The following PECAM1 variants were observed in gnomAD, a reference collection of about 807,000 sequenced individuals.
PECAM1 encodes the protein platelet and endothelial cell adhesion molecule 1.
In PECAM1, 8 loss-of-function variants were observed where a neutral mutation model predicts 13.8. The ratio of observed to expected loss-of-function variants is 0.58; its 90% CI spans 0.34 to 1.05. The LOEUF (loss-of-function observed/expected upper bound fraction) is 1.05, where lower values mean the gene tolerates loss of function less well. Among genes scored for constraint, PECAM1 ranks in the 50% least tolerant of loss-of-function variants. PECAM1 has a pLI of 0.03. For missense variants in PECAM1, 304 were observed against 141.2 expected (o/e 2.15, Z -5.84); for synonymous variants, 136 against 52.6 (o/e 2.58, Z -6.86).
At chr17:64,366,706 C>T (rs1313123538) in intron 5 of PECAM1, among the ~76,000 whole-genome samples, 1,530 of 151,370 alleles carry the variant, frequency 0.01, 42 homozygotes, top group African/African-American at 0.035. Context: ...TCATCATTCT[C>T]AGTAAACTAT....
At position 64,390,488 on chromosome 17, in the gene PECAM1, C is replaced by T; in HGVS notation, c.91+1G>A. 2.1e-6 allele frequency: 1 copy of T among 473,892 alleles called. No homozygotes were observed. The highest frequency in any genetic ancestry group is 3.9e-6 in the Non-Finnish European group (1 of 258,346). The allele number at this position is 473,892 out of a possible 1,614,324, so 29.4% of individuals were successfully genotyped here. A position where few individuals can be genotyped will look rare whatever the true frequency, so the allele number is the denominator to read the frequency against. ...TGTTACAGTGGAAACATCAGACTTA[C>T]AGTTTTCTTGACCCTCAAGGCTTGA... On this transcript the variant is annotated splice_donor_variant, in intron 2 of 15. Coordinates refer to ENST00000563924, the MANE Select transcript of PECAM1 (RefSeq NM_000442.5). LOFTEE classifies it high-confidence loss of function.
chr17:64,325,216 G>A (rs2034914344), intron 15 of PECAM1, among the ~76,000 whole-genome samples: 1 of 151,680 alleles, frequency 6.6e-6, no homozygotes, highest in Admixed American at 6.6e-5. Flanking sequence ...GTGAAACCTT[G>A]TCTCTACTGA....
At chr17:64,330,604 C>T (rs1326521671) in intron 14 of PECAM1, among the ~76,000 whole-genome samples, 3 of 150,438 alleles carry the variant, frequency 2.0e-5, no homozygotes, top group Non-Finnish European at 4.4e-5. Flanking sequence ...CCACTGCACT[C>T]CAGCCTGGGC....
intron 13 of PECAM1, among the ~76,000 whole-genome samples, chr17:64,347,397 G>A (rs2035595903): frequency 2.0e-5 from 3 of 150,420 alleles, no homozygotes; most frequent in African/African-American, 2.4e-5. Context: ...CGGCTGTGGC[G>A]GTGCATGCCT....
intron 14 of PECAM1, among the ~76,000 whole-genome samples, chr17:64,341,413 G>A (rs1048859882): frequency 1.3e-5 from 2 of 152,330 alleles, no homozygotes; most frequent in Admixed American, 6.5e-5. Flanking sequence ...GCTGGGGTCA[G>A]TAAGCATTCA....
At chr17:64,389,293 C>T (rs2036666541) in intron 2 of PECAM1, among the ~76,000 whole-genome samples, 1 of 152,194 alleles carries the variant, frequency 6.6e-6, no homozygotes, top group East Asian at 1.9e-4. Flanking sequence ...GTTCTGTGGG[C>T]TCTCCCTCTA....
intron 6 of PECAM1, 32 bp from the exon 7 acceptor site, chr17:64,360,447 A>T (rs1290184152): frequency 1.1e-5 from 5 of 473,482 alleles, no homozygotes; most frequent in African/African-American, 7.9e-5. Flanking sequence ...TCCAAAAGGC[A>T]CTGAAGGTAA....
At chr17:64,353,842 C>A (rs1280880936) in intron 9 of PECAM1, among the ~76,000 whole-genome samples, 2 of 151,880 alleles carry the variant, frequency 1.3e-5, no homozygotes, top group Admixed American at 1.3e-4. Flanking sequence ...CTATTTTAGC[C>A]AGAAGTGATT....
chr17:64,333,012 G>A (rs909344007), intron 14 of PECAM1, among the ~76,000 whole-genome samples: 9 of 152,188 alleles, frequency 5.9e-5, no homozygotes, highest in Non-Finnish European at 1.0e-4. Flanking sequence ...AATTAGCTGG[G>A]CGTGGTGGTG....
In PECAM1 at chr17:64,321,155, G is replaced by A. The variant is rs2034804291; in HGVS notation, c.*2661C>T. On this transcript the variant is annotated 3_prime_UTR_variant, in exon 16 of 16. Coordinates refer to ENST00000563924, the MANE Select transcript of PECAM1 (RefSeq NM_000442.5). ...ATGGGTGGCTGACCTCTTGGGGTCA[G>A]AAGAGGGAAAAGTTTTACTGTGTGT... 1 of 152,256 alleles carries A rather than the reference G, an allele frequency of 6.6e-6. No homozygotes were observed. Among genetic ancestry groups the A allele is most frequent in the South Asian group, 2.1e-4 (1 of 4,832 alleles). The allele number at this position is 152,256 out of a possible 1,614,324, so 9.4% of individuals were successfully genotyped here.
At chr17:64,330,146 G>T (rs2035068134) in intron 14 of PECAM1, among the ~76,000 whole-genome samples, 1 of 151,856 alleles carries the variant, frequency 6.6e-6, no homozygotes, top group South Asian at 2.1e-4. Context: ...CTCCCAAGTT[G>T]CTGGGACTAC....
intron 5 of PECAM1, among the ~76,000 whole-genome samples, chr17:64,365,982 T>C (rs1278434753): frequency 6.6e-6 from 1 of 151,900 alleles, no homozygotes; most frequent in Admixed American, 6.6e-5. Context: ...TGGGCTCTAA[T>C]TAAACTAAAG....
At chr17:64,381,964 G>A (rs1240276506) in intron 2 of PECAM1, among the ~76,000 whole-genome samples, 1 of 152,170 alleles carries the variant, frequency 6.6e-6, no homozygotes, top group East Asian at 1.9e-4. Flanking sequence ...GCCGGGTGTG[G>A]TGGTGGGCGC....
chr17:64,332,745 G>A (rs1210145103), intron 14 of PECAM1, among the ~76,000 whole-genome samples: 1 of 152,290 alleles, frequency 6.6e-6, no homozygotes, highest in Non-Finnish European at 1.5e-5. Context: ...TTCCTGTCAC[G>A]GCTACTCTCG....
intron 4 of PECAM1, among the ~76,000 whole-genome samples, chr17:64,372,175 G>A (rs1157013840): frequency 6.6e-5 from 10 of 152,074 alleles, no homozygotes; most frequent in Admixed American, 1.3e-4. Context: ...TTGGGAGGCC[G>A]AGATGGGAGG....
At chr17:64,362,185 C>T (rs960046355) in intron 6 of PECAM1, among the ~76,000 whole-genome samples, 2 of 152,194 alleles carry the variant, frequency 1.3e-5, no homozygotes, top group African/African-American at 2.4e-5. Flanking sequence ...AGATGCAGAA[C>T]CTGGCCCCAT....
intron 5 of PECAM1, among the ~76,000 whole-genome samples, 200 bp downstream of exon 5, chr17:64,369,550 G>GT: frequency 6.6e-6 from 1 of 152,154 alleles, no homozygotes; most frequent in Non-Finnish European, 1.5e-5. Flanking sequence ...GCCGGAGCCT[G>GT]TACCCTCAAC....
intron 6 of PECAM1, among the ~76,000 whole-genome samples, chr17:64,362,832 C>T (rs1453048671): frequency 2.8e-5 from 2 of 70,654 alleles, no homozygotes; most frequent in Non-Finnish European, 8.6e-5. Context: ...CTGGGCGACA[C>T]GTCTCAAAAA....
chr17:64,360,073 C>T (rs1438291950), intron 7 of PECAM1, 67 bp downstream of exon 7: 5 of 475,000 alleles, frequency 1.1e-5, no homozygotes, highest in Admixed American at 3.2e-5. Flanking sequence ...TTATTGTTCC[C>T]ACAGTCCCTG....
Sources: allele counts gnomAD v4.1 joint callset (sites outside exome capture counted in the v4.1 genomes callset), GRCh38; gene constraint gnomAD v4.1.1; transcripts MANE v1.5; gene names NCBI Gene and HGNC (gene_info 2026-07-23, HGNC 2026-07-21).